Variants in LMO7 observed in about 807,000 individuals in gnomAD.
The protein encoded by LMO7 is LIM domain only protein 7.
Under a neutral mutation model 206.5 loss-of-function variants are expected in LMO7, and 120 were observed. That is an observed-to-expected ratio of 0.58 (90% confidence interval 0.50 to 0.68). LMO7 has a LOEUF of 0.68. LMO7 is among the 30% of genes least tolerant of loss of function. The pLI is 0.00. For missense variants in LMO7, 1,959 were observed against 1,957.9 expected (o/e 1.00, Z -0.01); for synonymous variants, 706 against 681.5 (o/e 1.04, Z -0.56).
chr13:75,660,832 G>T (rs1207655969), intron 1 of LMO7, among the ~76,000 whole-genome samples: 1 of 152,072 alleles, frequency 6.6e-6, no homozygotes, highest in Non-Finnish European at 1.5e-5. Flanking sequence ...TTGTTTCTGA[G>T]CCCCTTCCTG....
chr13:75,647,740 A>G (rs2037162342), intron 1 of LMO7, among the ~76,000 whole-genome samples: 1 of 152,168 alleles, frequency 6.6e-6, no homozygotes, highest in Admixed American at 6.5e-5. Context: ...AGTTTCTATC[A>G]TCTGCTTCAA....
chr13:75,758,545 A>C (rs899314384), intron 3 of LMO7, among the ~76,000 whole-genome samples: 1 of 152,188 alleles, frequency 6.6e-6, no homozygotes, highest in African/African-American at 2.4e-5. Flanking sequence ...GGTTAAAATA[A>C]AGTCTTTATT....
At chr13:75,844,372 T>G (rs945427058) in intron 25 of LMO7, among the ~76,000 whole-genome samples, 8 of 150,778 alleles carry the variant, frequency 5.3e-5, no homozygotes, top group Admixed American at 4.0e-4. Flanking sequence ...GTATATTATA[T>G]ATTGTCATTA....
At chr13:75,778,692 A>T (rs2050866292) in intron 4 of LMO7, among the ~76,000 whole-genome samples, 1 of 152,146 alleles carries the variant, frequency 6.6e-6, no homozygotes, top group African/African-American at 2.4e-5. Flanking sequence ...TTTTAATTCT[A>T]GTTGGGTAAG....
intron 1 of LMO7, among the ~76,000 whole-genome samples, chr13:75,649,076 T>A (rs1247349444): frequency 6.6e-6 from 1 of 152,106 alleles, no homozygotes; most frequent in East Asian, 1.9e-4. Context: ...TGAGCAAGGA[T>A]TCGTTGAATT....
At chr13:75,808,315 A>G in intron 10 of LMO7, 116 bp downstream of exon 10, 2 of 1,190,732 alleles carry the variant, frequency 1.7e-6, no homozygotes, top group Non-Finnish European at 2.3e-6. Flanking sequence ...TGCCATTTTG[A>G]AGCATCCCGT....
intron 3 of LMO7, among the ~76,000 whole-genome samples, chr13:75,746,456 G>A (rs1046046734): frequency 1.3e-5 from 2 of 152,170 alleles, no homozygotes; most frequent in Non-Finnish European, 2.9e-5. Context: ...TGGAGAGTGT[G>A]GGAAACCCTC....
At position 75,819,290 on chromosome 13, in the gene LMO7, G is replaced by A. The variant is rs1300033777; in HGVS notation, c.2065-103G>A. The A allele has an allele frequency of 8.9e-6, 12 of 1,345,944 alleles. No homozygotes were observed. In the East Asian group the frequency reaches 1.5e-4, roughly 17 times the overall value. The allele number at this position is 1,345,944 out of a possible 1,614,324, so 83.4% of individuals were successfully genotyped here. A position where few individuals can be genotyped will look rare whatever the true frequency, so the allele number is the denominator to read the frequency against. On this transcript the variant is annotated intron_variant, in intron 12 of 30. Transcript: ENST00000377534. ...GGGCACCTTGGCATCCAGTTGGAGT[G>A]AATAGTTTCAGTGATGTAATAAGAT...
At chr13:75,673,742 A>G (rs570066079) in intron 1 of LMO7, among the ~76,000 whole-genome samples, 15 of 152,334 alleles carry the variant, frequency 9.8e-5, no homozygotes, top group South Asian at 8.3e-4. Context: ...TGTAATTTAA[A>G]AAGTATTTTT....
At chr13:75,733,890 T>C (rs1315132463) in intron 3 of LMO7, among the ~76,000 whole-genome samples, 1 of 152,256 alleles carries the variant, frequency 6.6e-6, no homozygotes, top group Non-Finnish European at 1.5e-5. Context: ...GGTCACCTTC[T>C]GAAGCTCAGC....
At chr13:75,726,227 C>T (rs150222675) in intron 2 of LMO7, among the ~76,000 whole-genome samples, 2,162 of 151,974 alleles carry the variant, frequency 0.014, 37 homozygotes, top group Non-Finnish European at 0.023. Flanking sequence ...TAAATTTCTA[C>T]GCAACCTGGC....
rs781129453 is a variant in LMO7, at chr13:75,853,127, C to A, written c.4400C>A (p.Ser1467Tyr). The change falls in exon 28 of 31, where the codon TCC becomes TAC. Residue 1467 changes from serine to tyrosine, a missense_variant. Coordinates refer to ENST00000377534, the MANE Select transcript of LMO7 (RefSeq NM_001306080.2). ...ESLDNLDSPR[S>Y]NSWRQPPWLN... ...TTAGATAACCTGGACTCCCCCCGAT[C>A]CAATTCTTGGAGACAGCCTCCTTGG... is the stretch of plus-strand genomic sequence containing the variant. The A allele has an allele frequency of 5.6e-6, 9 of 1,612,900 alleles. No homozygotes were observed. Among genetic ancestry groups the A allele is most frequent in the Admixed American group, 1.7e-5 (1 of 59,930 alleles).
chr13:75,848,358 C>G (rs2060159817), intron 26 of LMO7, among the ~76,000 whole-genome samples: 1 of 152,194 alleles, frequency 6.6e-6, no homozygotes, highest in African/African-American at 2.4e-5. Context: ...GAATAATTGT[C>G]TCCAATCTCA....
At chr13:75,797,789 G>C (rs1369379377) in intron 6 of LMO7, among the ~76,000 whole-genome samples, 1 of 152,116 alleles carries the variant, frequency 6.6e-6, no homozygotes, top group Non-Finnish European at 1.5e-5. Context: ...AGGTATTCCT[G>C]TTCACCCCCA....
chr13:75,800,763 A>G lies in LMO7; in HGVS notation c.542A>G (p.Glu181Gly), dbSNP rs759380648. ...GACATCTGGTGTCCTGAACGTGGAG[A>G]ATTTCTTGCTCCTCCAAGGCACCAT... is the stretch of plus-strand genomic sequence containing the variant. ...YGDIWCPERG[E>G]FLAPPRHHKR... Residue 181 changes from glutamate to glycine, a missense_variant, in exon 7 of 31, where the codon GAA becomes GGA. Physicochemically the swap from Glu to Gly is moderately conservative, Grantham distance 98 (BLOSUM62 -2). Coordinates refer to ENST00000377534, the MANE Select transcript of LMO7 (RefSeq NM_001306080.2). 2.6e-5 allele frequency: 42 copies of G among 1,613,906 alleles called. No homozygotes were observed. The South Asian group carries it at 4.6e-4, about 18-fold the overall frequency.
chr13:75,790,475 C>T (rs1407874596), intron 4 of LMO7, among the ~76,000 whole-genome samples: 1 of 152,168 alleles, frequency 6.6e-6, no homozygotes, highest in African/African-American at 2.4e-5. Flanking sequence ...AAGTCCCGCA[C>T]TCAACCAAGC....
intron 17 of LMO7, 38 bp from the exon 18 acceptor site, chr13:75,835,195 A>G: frequency 6.2e-7 from 1 of 1,609,976 alleles, no homozygotes; most frequent in Non-Finnish European, 8.5e-7. Context: ...TACGGCATAA[A>G]ACCCTCAATC....
At chr13:75,714,004 C>G (rs1181120999) in intron 2 of LMO7, among the ~76,000 whole-genome samples, 1 of 152,184 alleles carries the variant, frequency 6.6e-6, no homozygotes, top group Non-Finnish European at 1.5e-5. Context: ...TACTTGAGTA[C>G]TCACCCACAT....
intron 1 of LMO7, among the ~76,000 whole-genome samples, chr13:75,663,456 A>C (rs1407304628): frequency 1.5e-4 from 4 of 27,570 alleles, no homozygotes; most frequent in Non-Finnish European, 1.6e-4. Context: ...TTTGAGACGG[A>C]GCCTCGCTCT....
Sources: allele counts gnomAD v4.1 joint callset (sites outside exome capture counted in the v4.1 genomes callset), GRCh38; gene constraint gnomAD v4.1.1; transcripts MANE v1.5; gene names NCBI Gene and HGNC (gene_info 2026-07-23, HGNC 2026-07-21).